The following SOD2 variants were observed in gnomAD, a reference collection of about 807,000 sequenced individuals.
The protein encoded by SOD2 is superoxide dismutase [Mn], mitochondrial.
A neutral mutation model predicts 27.0 loss-of-function variants in SOD2; 11 were observed. The observed-to-expected ratio is 0.41, with a 90% confidence interval of 0.26 to 0.67. SOD2 has a LOEUF of 0.67. SOD2 is among the 30% of genes least tolerant of loss of function. The probability of loss-of-function intolerance (pLI) is 0.34; values close to 1 mark genes in which losing one functional copy is unlikely to be tolerated. For missense variants in SOD2, 250 were observed against 274.5 expected (o/e 0.91, Z 0.63); for synonymous variants, 105 against 103.0 (o/e 1.02, Z -0.12).
intron 1 of SOD2, among the ~76,000 whole-genome samples, chr6:159,740,639 ACAT>A (rs1445180906): frequency 6.6e-6 from 1 of 152,064 alleles, no homozygotes. Flanking sequence ...CCTTGGCTGA[ACAT>A]CAGTGTTTAC....
chr6:159,689,026 G>A (rs1780323734), intron 2 of SOD2, among the ~76,000 whole-genome samples: 1 of 152,134 alleles, frequency 6.6e-6, no homozygotes, highest in Non-Finnish European at 1.5e-5. Flanking sequence ...GGTGGGGGTG[G>A]GCCTTGCCCC....
chr6:159,756,791 A>G (rs1003812734), intron 1 of SOD2, among the ~76,000 whole-genome samples: 1 of 152,094 alleles, frequency 6.6e-6, no homozygotes, highest in East Asian at 1.9e-4. Flanking sequence ...TTTAGTAGAG[A>G]CAAGGCCTCG....
Position 159,677,330 on chromosome 6 carries a change from A to G in SOD2, c.*5163T>C, listed in dbSNP as rs1366631397. The G allele has an allele frequency of 3.9e-5, 6 of 152,184 alleles. No individual in the cohort carries two copies. Among genetic ancestry groups the G allele is most frequent in the Non-Finnish European group, 8.8e-5 (6 of 68,036 alleles). 9.4% of individuals were successfully genotyped at this position (152,184 alleles called of 1,614,324 possible). ...ATTTTTTTTAACGTGTCCCAGAAGC[A>G]TCTTGACAACAGAAGCACTCTCATT... On this transcript the variant is annotated 3_prime_UTR_variant, in exon 5 of 5. Transcript: ENST00000538183.
chr6:159,729,043 T>C (rs1778402380), upstream of SOD2, among the ~76,000 whole-genome samples: 1 of 152,204 alleles, frequency 6.6e-6, no homozygotes, highest in Admixed American at 6.5e-5. Context: ...TTTTTGTGTA[T>C]TGTTTGTCAG....
chr6:159,684,948 T>A lies in SOD2; in HGVS notation c.429A>T (p.Gln143His). The change falls in exon 4 of 5, where the codon CAA becomes CAT. Residue 143 changes from glutamine (Q) to histidine (H), a missense_variant. Transcript: ENST00000538183. ...AACCAAGCCAACCCCAACCTGAGCC[T>A]TGGACACCAACAGATGCAGCCGTCA... ...EKLTAASVGV[Q>H]GSGWGWLGFN... 1 of 1,613,844 alleles carries A rather than the reference T, an allele frequency of 6.2e-7. No homozygotes were observed. Among genetic ancestry groups the A allele is most frequent in the Admixed American group, 1.7e-5 (1 of 59,982 alleles).
At chr6:159,736,245 C>CT (rs750355245) in intron 1 of SOD2, 17,525 of 1,162,000 alleles carry the variant, frequency 0.015, no homozygotes, top group South Asian at 0.033. Context: ...TTTTCCGCAA[C>CT]TTTTTTTTTT....
At chr6:159,697,443 AT>A (rs1202769428), upstream of SOD2, among the ~76,000 whole-genome samples, 1 of 152,196 alleles carries the variant, frequency 6.6e-6, no homozygotes, top group African/African-American at 2.4e-5. Context: ...AGAGAAAATG[AT>A]TATAGAGCTA....
At chr6:159,734,043 A>G (rs772744896) in intron 1 of SOD2, among the ~76,000 whole-genome samples, 2 of 152,252 alleles carry the variant, frequency 1.3e-5, no homozygotes, top group Non-Finnish European at 2.9e-5. Context: ...TAATAACAGT[A>G]TGATTAGAAT....
intron 1 of SOD2, among the ~76,000 whole-genome samples, chr6:159,712,109 AGCTGCTCAGACCTCCATAAC>A: frequency 3.2e-5 from 1 of 30,830 alleles, no homozygotes; most frequent in Non-Finnish European, 7.8e-5. Flanking sequence ...ACCACCACTC[AGCTGCTCAGACCTCCATAAC>A]CACCTCCATA....
intron 1 of SOD2, among the ~76,000 whole-genome samples, chr6:159,732,885 T>TTGTG (rs1562452331): frequency 3.0e-4 from 17 of 56,874 alleles, no homozygotes; most frequent in African/African-American, 1.3e-3. Context: ...TATATATATA[T>TTGTG]AGTGTGTGTG....
chr6:159,753,233 G>A, intron 1 of SOD2: 2 of 545,128 alleles, frequency 3.7e-6, no homozygotes, highest in South Asian at 4.2e-5. Flanking sequence ...GAAACAAGGT[G>A]TAGCTGTTTG....
chr6:159,760,202 GCTCA>G (rs1447196792), intron 1 of SOD2: 1 of 152,200 alleles, frequency 6.6e-6, no homozygotes, highest in Non-Finnish European at 1.5e-5. Flanking sequence ...TAGTTTCACT[GCTCA>G]CTGAGATTAC....
intron 1 of SOD2, among the ~76,000 whole-genome samples, chr6:159,712,618 GACCTCCATAACC>G (rs1241712834): frequency 1.1e-4 from 16 of 142,782 alleles, no homozygotes; most frequent in African/African-American, 3.9e-4. Context: ...CAGCTGCTCT[GACCTCCATAACC>G]ACCTCCATAA....
upstream of SOD2, among the ~76,000 whole-genome samples, chr6:159,696,389 G>A (rs1327843894): frequency 1.3e-5 from 2 of 151,928 alleles, no homozygotes; most frequent in African/African-American, 2.4e-5. Flanking sequence ...GTGCGATCTC[G>A]GCTCACTGCA....
chr6:159,731,180 G>A (rs1432868985), upstream of SOD2, among the ~76,000 whole-genome samples: 4 of 151,494 alleles, frequency 2.6e-5, no homozygotes, highest in East Asian at 7.8e-4. Context: ...AATAATTGCA[G>A]GCTGGGCATG....
rs1779775095 is a variant in SOD2 at position 159,676,194 on chromosome 6, C to A, written c.*6299G>T. The A allele has an allele frequency of 1.3e-5, 2 of 152,152 alleles. No homozygotes were observed. The highest frequency in any genetic ancestry group is 1.3e-4 in the Admixed American group (2 of 15,272). 9.4% of individuals were successfully genotyped at this position (152,152 alleles called of 1,614,324 possible). ...CATTGTGGAAGACAGTGTGGCGATT[C>A]CTCAGGGATCTAGAACTAGAAATAC... On this transcript the variant is annotated 3_prime_UTR_variant, in exon 5 of 5. Transcript: ENST00000538183.
intron 1 of SOD2, chr6:159,742,097 A>G (rs1779292133): frequency 2.5e-6 from 4 of 1,602,068 alleles, no homozygotes; most frequent in Admixed American, 1.8e-5. Flanking sequence ...GATGGAAACA[A>G]TATGAAGCAT....
rs1234468400 is a variant in SOD2, at chr6:159,681,511, C to T, written c.*982G>A. 4.6e-5 allele frequency: 7 copies of T among 152,194 alleles called. No homozygotes were observed. The highest frequency in any genetic ancestry group is 4.6e-4 in the Admixed American group (7 of 15,260). The allele number at this position is 152,194 out of a possible 1,614,324, so 9.4% of individuals were successfully genotyped here. A position where few individuals can be genotyped will look rare whatever the true frequency, so the allele number is the denominator to read the frequency against. Reference sequence around the variant, plus strand: ...ACCTTAATGTTCCTTTCTGCGGACCCCAAGTTTTTAGACAAAGCTTTGCTT... The same window carrying T: ...ACCTTAATGTTCCTTTCTGCGGACCTCAAGTTTTTAGACAAAGCTTTGCTT... On this transcript the variant is annotated 3_prime_UTR_variant, in exon 5 of 5. Coordinates refer to ENST00000538183, the MANE Select transcript of SOD2 (RefSeq NM_000636.4).
chr6:159,755,605 T>A, intron 1 of SOD2: 1 of 1,590,382 alleles, frequency 6.3e-7, no homozygotes, highest in African/African-American at 1.4e-5. Context: ...AGGGTTCAGT[T>A]TTGTAATATT....
Sources: allele counts gnomAD v4.1 joint callset (sites outside exome capture counted in the v4.1 genomes callset), GRCh38; gene constraint gnomAD v4.1.1; transcripts MANE v1.5; gene names NCBI Gene and HGNC (gene_info 2026-07-23, HGNC 2026-07-21).